UBA3: variants seen among roughly 807,000 people sequenced by gnomAD.
The protein encoded by UBA3 is NEDD8-activating enzyme E1 catalytic subunit.
UBA3 carries 26 observed loss-of-function variants against 73.5 expected under a neutral mutation model. The ratio of observed to expected loss-of-function variants is 0.35; its 90% CI spans 0.26 to 0.49. The LOEUF is 0.49. Ranked by LOEUF, UBA3 falls within the 20% of genes least tolerant of loss-of-function variation. The pLI is 0.98. For synonymous variants in UBA3, 217 were observed against 191.2 expected, an observed-to-expected ratio of 1.13 and a Z score of -1.11; for missense variants, 495 against 555.6, an observed-to-expected ratio of 0.89 and a Z score of 1.10.
intron 11 of UBA3, among the ~76,000 whole-genome samples, chr3:69,060,896 C>T (rs896527535): frequency 1.1e-4 from 16 of 152,222 alleles, no homozygotes; most frequent in African/African-American, 3.6e-4. Context: ...TTAGCTTTCA[C>T]GAGTAAAAGC....
rs2092046674 is a variant in UBA3, at chr3:69,064,097, A to G, written c.443T>C (p.Ile148Thr). ...NCNVVPHFNK[I>T]QDFNDTFYRQ... ...ATAGAAAGTGTCGTTAAAATCTTGA[A>G]TCTTGTTGAAATGTCTGAATACAAG... Residue 148 changes from isoleucine (I) to threonine (T), a missense_variant, in exon 7 of 18, where the codon ATT (isoleucine) becomes ACT (threonine). Physicochemically the swap from Ile to Thr is moderately conservative, Grantham distance 89. Coordinates refer to ENST00000361055, the MANE Select transcript of UBA3 (RefSeq NM_003968.4). 6.2e-7 allele frequency: 1 copy of G among 1,604,224 alleles called. No homozygotes were observed. The highest frequency in any genetic ancestry group is 2.3e-5 in the East Asian group (1 of 44,366).
At chr3:69,067,879 G>GA in intron 6 of UBA3, 49 bp downstream of exon 6, 1 of 1,415,932 alleles carries the variant, frequency 7.1e-7, no homozygotes, top group African/African-American at 1.4e-5. Flanking sequence ...TATAATAAAG[G>GA]AAAAAAGCTT....
chr3:69,064,489 ATGCACATTATAGTTCCTATTT>A (rs1028350219), intron 6 of UBA3, among the ~76,000 whole-genome samples: 1 of 152,256 alleles, frequency 6.6e-6, no homozygotes, highest in African/African-American at 2.4e-5. Flanking sequence ...TGAAGGAAAG[ATGCACATTATAGTTCCTATTT>A]TGCTAGGTGA....
chr3:69,057,309 C>T lies in UBA3; in HGVS notation c.911G>A (p.Gly304Glu), dbSNP rs1187804573. 4 of 1,607,042 alleles carry T rather than the reference C, an allele frequency of 2.5e-6. No individual in the cohort carries two copies. ...IRGVTYRLTQ[G>E]VVKRIIPAVA... ...TGCAGGAATGATTCTTTTTACTACCCCTGAAAAAACATATCAATTAAAATA... is the reference window on the plus strand; with the variant it reads ...TGCAGGAATGATTCTTTTTACTACCTCTGAAAAAACATATCAATTAAAATA... Residue 304 changes from glycine to glutamate, a missense_variant and splice_region_variant, in exon 12 of 18, where the codon GGG (glycine) becomes GAG (glutamate). Coordinates refer to ENST00000361055, the MANE Select transcript of UBA3 (RefSeq NM_003968.4).
intron 6 of UBA3, 53 bp downstream of exon 6, chr3:69,067,875 A>AT: frequency 7.3e-7 from 1 of 1,374,008 alleles, no homozygotes; most frequent in East Asian, 2.4e-5. Flanking sequence ...CTCTTATAAT[A>AT]AAGGAAAAAA....
At chr3:69,079,746 T>C (rs1414698019) in intron 2 of UBA3, 2 of 273,818 alleles carry the variant, frequency 7.3e-6, no homozygotes, top group Non-Finnish European at 1.4e-5. Context: ...AACGGTCTTG[T>C]GTCCTTTTCC....
chr3:69,069,759 C>T (rs1451195617), intron 5 of UBA3, among the ~76,000 whole-genome samples: 1 of 152,144 alleles, frequency 6.6e-6, no homozygotes, highest in African/African-American at 2.4e-5. Context: ...TTCAGTATTG[C>T]ATTCAATGGC....
intron 6 of UBA3, 78 bp downstream of exon 6, chr3:69,067,850 T>C: frequency 1.8e-6 from 2 of 1,096,452 alleles, no homozygotes; most frequent in Non-Finnish European, 1.3e-6. Context: ...CTTATCTGTA[T>C]TCTCTGTTAA....
Position 69,061,898 on chromosome 3 carries a change from C to G in UBA3, c.826G>C (p.Glu276Gln). 6.2e-7 allele frequency: 1 copy of G among 1,607,194 alleles called. No homozygotes were observed. The highest frequency in any genetic ancestry group is 1.1e-5 in the South Asian group (1 of 89,860). Residue 276 changes from glutamate (E) to glutamine (Q), a missense_variant, in exon 11 of 18, where the codon GAA (glutamate) becomes CAA (glutamine). By Grantham distance (29) the Glu-to-Gln change is conservative. Transcript: ENST00000361055. ...TTTTGGAAAATCCATTGTATATGTT[C>G]AGGATCATCTCCATCTAATGGAACC... ...EGVPLDGDDP[E>Q]HIQWIFQKSL...
chr3:69,055,353 T>C lies in UBA3; in HGVS notation c.*84A>G, dbSNP rs1299949635. The C allele has an allele frequency of 6.8e-6, 6 of 879,592 alleles. No individual in the cohort carries two copies. In the Admixed American group the frequency reaches 1.3e-4, roughly 19 times the overall value. The allele number at this position is 879,592 out of a possible 1,614,324, so 54.5% of individuals were successfully genotyped here. ...AAAAAGACAAATCGTGGCAACACTA[T>C]TGCTAAAAATGACATCGATTCAACT... On this transcript the variant is annotated 3_prime_UTR_variant, in exon 18 of 18. Transcript: ENST00000361055.
At chr3:69,079,771 A>G (rs1043746875) in intron 2 of UBA3, 12 of 337,302 alleles carry the variant, frequency 3.6e-5, no homozygotes, top group Non-Finnish European at 5.9e-5. Context: ...TGTTTAAGGT[A>G]GATTGCCTTT....
Position 69,055,534 on chromosome 3 carries a change from GA to G in UBA3, c.1304-10del. 6.4e-7 allele frequency: 1 copy of G among 1,571,176 alleles called. No individual in the cohort carries two copies. Among genetic ancestry groups the G allele is most frequent in the Admixed American group, 2.1e-5 (1 of 48,120 alleles). On this transcript the variant is annotated splice_polypyrimidine_tract_variant and intron_variant, in intron 17 of 17. Transcript: ENST00000361055. ...ATCAACAAGCCCCAATTCTAAAACA[GA>G]AAAAATATTATTAATACAAGCAAAA...
At chr3:69,062,204 AG>A (rs767920742) in intron 9 of UBA3, 25 bp from the exon 10 acceptor site, 1 of 1,462,022 alleles carries the variant, frequency 6.8e-7, no homozygotes, top group Admixed American at 1.8e-5. Context: ...TGTCCTTTTC[AG>A]TGAATTTTAA....
At chr3:69,062,915 CTT>C in intron 9 of UBA3, 65 bp downstream of exon 9, 1 of 1,554,486 alleles carries the variant, frequency 6.4e-7, no homozygotes, top group Non-Finnish European at 8.8e-7. Context: ...ATTAACTAGA[CTT>C]AATAATTAAT....
At chr3:69,063,949 AC>A in intron 7 of UBA3, 118 bp downstream of exon 7, 1 of 857,458 alleles carries the variant, frequency 1.2e-6, no homozygotes, top group South Asian at 1.6e-5. Context: ...TGAAAAGCCA[AC>A]AGTGAGAGAG....
At chr3:69,056,366 T>G (rs1331085093) in intron 14 of UBA3, 83 bp from the exon 15 acceptor site, 55 of 1,206,132 alleles carry the variant, frequency 4.6e-5, no homozygotes, top group Non-Finnish European at 5.9e-5. Flanking sequence ...AAAAATCAGG[T>G]TGTTTTATAA....
intron 3 of UBA3, chr3:69,077,597 T>C (rs953826172): frequency 5.5e-5 from 30 of 542,884 alleles, no homozygotes; most frequent in Non-Finnish European, 7.9e-5. Flanking sequence ...TTTCAACTTA[T>C]ATTACATGAG....
At chr3:69,080,303 C>T (rs757533370) in intron 1 of UBA3, 31 bp downstream of exon 1, 2 of 1,603,412 alleles carry the variant, frequency 1.2e-6, no homozygotes, top group African/African-American at 1.3e-5. Context: ...CCCAGCCCAG[C>T]CCGGCGCGTC....
At chr3:69,071,341 T>A (rs1218723656) in intron 5 of UBA3, 194 bp downstream of exon 5, 1 of 472,158 alleles carries the variant, frequency 2.1e-6, no homozygotes. Flanking sequence ...TTTGTTTACA[T>A]AACTACTATC....
Sources: gnomAD v4.1 joint callset for allele counts (sites outside exome capture counted in the v4.1 genomes callset) on GRCh38, gnomAD v4.1.1 for gene constraint, MANE v1.5 for transcripts, NCBI Gene and HGNC (gene_info 2026-07-23, HGNC 2026-07-21) for gene names.